GLIS3: variants seen among roughly 807,000 people sequenced by gnomAD.
GLIS3 encodes GLIS family zinc finger 3.
Under a neutral mutation model 78.6 loss-of-function variants are expected in GLIS3, and 53 were observed. That is an observed-to-expected ratio of 0.67 (90% CI 0.54 to 0.85). The LOEUF is 0.85. Among genes scored for constraint, GLIS3 ranks in the 40% least tolerant of loss-of-function variants. The pLI is 0.00. For missense variants in GLIS3, 1,703 were observed against 1,231.1 expected (o/e 1.38, Z -5.74); for synonymous variants, 684 against 509.9 (o/e 1.34, Z -4.60).
intron 2 of GLIS3, among the ~76,000 whole-genome samples, chr9:4,225,460 T>C (rs1304804701): frequency 6.6e-6 from 1 of 152,354 alleles, no homozygotes; most frequent in Non-Finnish European, 1.5e-5. Flanking sequence ...AATTCAGTGA[T>C]GGCATTAAGA....
chr9:4,394,066 G>GA, the GLIS3 span, among the ~76,000 whole-genome samples: 1 of 150,718 alleles, frequency 6.6e-6, no homozygotes, highest in Non-Finnish European at 1.5e-5. Flanking sequence ...CCAATCCCAG[G>GA]AAAATTTGTC....
intron 2 of GLIS3, among the ~76,000 whole-genome samples, chr9:4,157,917 A>G (rs948619417): frequency 6.6e-6 from 1 of 152,166 alleles, no homozygotes; most frequent in African/African-American, 2.4e-5. Context: ...TTTTATCCTC[A>G]AAAAACCTTT....
At chr9:4,023,719 C>G (rs556078080) in intron 4 of GLIS3, among the ~76,000 whole-genome samples, 1 of 152,282 alleles carries the variant, frequency 6.6e-6, no homozygotes, top group Non-Finnish European at 1.5e-5. Context: ...CAGAGACCAG[C>G]AAGAATTAGC....
chr9:3,861,196 T>C (rs950549798), intron 8 of GLIS3, among the ~76,000 whole-genome samples: 8 of 152,178 alleles, frequency 5.3e-5, no homozygotes, highest in East Asian at 1.9e-4. Flanking sequence ...GTCCCAGCAA[T>C]GTATTAGAAC....
At chr9:3,944,174 G>T (rs1816130677) in intron 4 of GLIS3, among the ~76,000 whole-genome samples, 1 of 152,052 alleles carries the variant, frequency 6.6e-6, no homozygotes, top group Non-Finnish European at 1.5e-5. Flanking sequence ...TGAGAGTTCG[G>T]CTTAAAAAAT....
At chr9:4,264,475 A>T (rs1424292228) in intron 2 of GLIS3, among the ~76,000 whole-genome samples, 3 of 152,214 alleles carry the variant, frequency 2.0e-5, no homozygotes, top group South Asian at 4.1e-4. Context: ...TTCTTTACTT[A>T]AAACCCTTGG....
Position 3,829,357 on chromosome 9 carries a change from C to T in GLIS3, c.2609G>A (p.Ser870Asn), listed in dbSNP as rs1219384082. 1.1e-5 allele frequency: 18 copies of T among 1,613,994 alleles called. No homozygotes were observed. The highest frequency in any genetic ancestry group is 1.4e-5 in the Non-Finnish European group (17 of 1,180,006). Reference sequence around the variant, plus strand: ...GAAGGCTCTGTGGAAAACATCAAAACTGGCCTGGCCCATGGATGTAGGGAC... The same window carrying T: ...GAAGGCTCTGTGGAAAACATCAAAATTGGCCTGGCCCATGGATGTAGGGAC... ...CLVPTSMGQA[S>N]FDVFHRAFST... The change falls in exon 10 of 11, where the codon AGT (serine) becomes AAT (asparagine). Residue 870 changes from serine to asparagine, a missense_variant. Ser to Asn is a conservative substitution (Grantham distance 46). Transcript: ENST00000381971.
At position 3,829,299 on chromosome 9, in the gene GLIS3, A is replaced by T. The variant is rs781581226; in HGVS notation, c.2656+11T>A. On this transcript the variant is annotated intron_variant, in intron 10 of 10. Coordinates refer to ENST00000381971, the MANE Select transcript of GLIS3 (RefSeq NM_001042413.2). ...TGACAGGATTTTCTAAGTCACAGAC[A>T]ACCAACACACCTGTAATGCCCGAGT... The T allele has an allele frequency of 3.1e-6, 5 of 1,613,304 alleles. No homozygotes were observed. In the East Asian group the frequency reaches 1.1e-4, roughly 36 times the overall value.
At chr9:4,026,230 C>T (rs12342189) in intron 4 of GLIS3, among the ~76,000 whole-genome samples, 2,045 of 152,274 alleles carry the variant, frequency 0.013, 37 homozygotes, top group African/African-American at 0.045. Flanking sequence ...GATTTACCCA[C>T]GTAGTATTTA....
chr9:4,425,960 G>A, the GLIS3 span, among the ~76,000 whole-genome samples: 2 of 152,128 alleles, frequency 1.3e-5, no homozygotes, highest in Non-Finnish European at 2.9e-5. Flanking sequence ...TCAGAACAGT[G>A]GTTTGCAAAG....
intron 6 of GLIS3, among the ~76,000 whole-genome samples, chr9:3,908,718 T>G (rs1051191310): frequency 6.9e-6 from 1 of 145,326 alleles, no homozygotes; most frequent in Non-Finnish European, 1.5e-5. Flanking sequence ...TTTTTTTTTT[T>G]TTTTTTTTTT....
intron 2 of GLIS3, among the ~76,000 whole-genome samples, chr9:4,250,129 C>A (rs1824215741): frequency 6.6e-6 from 1 of 152,108 alleles, no homozygotes; most frequent in Admixed American, 6.5e-5. Context: ...TGATGCTGGC[C>A]TCATAAAATG....
chr9:4,108,685 G>A (rs1046558494), intron 4 of GLIS3, among the ~76,000 whole-genome samples: 6 of 152,074 alleles, frequency 3.9e-5, no homozygotes, highest in Non-Finnish European at 4.4e-5. Flanking sequence ...CAATACCCAG[G>A]CCCCTATTTA....
At chr9:4,173,570 ACACACACAC>A (rs1388511233) in intron 2 of GLIS3, among the ~76,000 whole-genome samples, 2 of 39,336 alleles carry the variant, frequency 5.1e-5, no homozygotes, top group Non-Finnish European at 1.1e-4. Flanking sequence ...ATACACACAC[ACACACACAC>A]ACACACACAC....
upstream of GLIS3, among the ~76,000 whole-genome samples, chr9:4,353,031 C>A (rs1450017281): frequency 6.6e-6 from 1 of 152,088 alleles, no homozygotes; most frequent in Non-Finnish European, 1.5e-5. Flanking sequence ...GGAGATCAGT[C>A]AGCTCTCTGG....
chr9:3,958,039 G>GCTGTGGCT (rs1190555284), intron 4 of GLIS3, among the ~76,000 whole-genome samples: 7 of 152,198 alleles, frequency 4.6e-5, no homozygotes, highest in Non-Finnish European at 1.0e-4. Context: ...GTAATGGAAA[G>GCTGTGGCT]CTGTGGCTCC....
At chr9:4,451,566 G>A in the GLIS3 span, among the ~76,000 whole-genome samples, 5 of 152,068 alleles carry the variant, frequency 3.3e-5, no homozygotes, top group Middle Eastern at 3.4e-3. Context: ...GCACTACATC[G>A]CACTTACCCC....
the GLIS3 span, among the ~76,000 whole-genome samples, chr9:4,396,385 TC>T: frequency 6.6e-6 from 1 of 152,222 alleles, no homozygotes; most frequent in African/African-American, 2.4e-5. Flanking sequence ...CACCTTGGCC[TC>T]CCAAAGTGCT....
chr9:4,417,657 C>CA, the GLIS3 span, among the ~76,000 whole-genome samples: 4 of 152,156 alleles, frequency 2.6e-5, no homozygotes, highest in Non-Finnish European at 4.4e-5. Context: ...ATTGCTAGGT[C>CA]AAAAAAGTGT....
Sources: gnomAD v4.1 joint callset for allele counts (sites outside exome capture counted in the v4.1 genomes callset) on GRCh38, gnomAD v4.1.1 for gene constraint, MANE v1.5 for transcripts, NCBI Gene and HGNC (gene_info 2026-07-23, HGNC 2026-07-21) for gene names.